The following BCL11A variants were observed in gnomAD, a reference collection of about 807,000 sequenced individuals.
BCL11A encodes BCL11 transcription factor A, also known as B cell CLL/lymphoma 11A.
In BCL11A, 2 loss-of-function variants were observed where a neutral mutation model predicts 55.9. The ratio of observed to expected loss-of-function variants is 0.04; its 90% confidence interval spans 0.01 to 0.11. The LOEUF (loss-of-function observed/expected upper bound fraction) is 0.11, where lower values mean the gene tolerates loss of function less well. Ranked by LOEUF, BCL11A falls within the 10% of genes least tolerant of loss-of-function variation. BCL11A has a pLI of 1.00. For synonymous variants in BCL11A, 465 were observed against 473.4 expected (o/e 0.98, Z 0.23); for missense variants, 817 against 1,137.1 (o/e 0.72, Z 4.05).
intron 2 of BCL11A, among the ~76,000 whole-genome samples, chr2:60,497,736 C>T (rs1257018812): frequency 1.3e-5 from 2 of 152,196 alleles, no homozygotes; most frequent in Non-Finnish European, 2.9e-5. Flanking sequence ...CTACTCTTCT[C>T]TTTCTCTGAA....
downstream of BCL11A, among the ~76,000 whole-genome samples, chr2:60,456,759 T>A (rs55712263): frequency 4.9e-3 from 744 of 152,244 alleles, 2 homozygotes; most frequent in African/African-American, 0.01. Context: ...TGATTTTTTT[T>A]AAAAAAATCT....
intron 2 of BCL11A, among the ~76,000 whole-genome samples, chr2:60,512,946 C>A (rs141256300): frequency 1.3e-5 from 2 of 152,168 alleles, no homozygotes; most frequent in Admixed American, 6.5e-5. Flanking sequence ...ACCTCTTAGA[C>A]GTCTCAGAGA....
chr2:60,507,502 C>A (rs1679717289), intron 2 of BCL11A, among the ~76,000 whole-genome samples: 1 of 151,990 alleles, frequency 6.6e-6, no homozygotes, highest in South Asian at 2.1e-4. Flanking sequence ...AAGTTAAAAC[C>A]TTGTGAAGTG....
At chr2:60,514,495 T>TA (rs58972358) in intron 2 of BCL11A, among the ~76,000 whole-genome samples, 1,625 of 119,286 alleles carry the variant, frequency 0.014, 15 homozygotes, top group Middle Eastern at 0.018. Flanking sequence ...CATCTCTACT[T>TA]AAAAAAAAAA....
intron 3 of BCL11A, among the ~76,000 whole-genome samples, chr2:60,463,180 T>G (rs907019363): frequency 6.6e-6 from 1 of 152,218 alleles, no homozygotes; most frequent in Non-Finnish European, 1.5e-5. Context: ...TTAAAAAATC[T>G]GAAAGAAAAA....
intron 2 of BCL11A, among the ~76,000 whole-genome samples, chr2:60,514,665 C>T (rs923392380): frequency 6.8e-6 from 1 of 146,382 alleles, no homozygotes; most frequent in Non-Finnish European, 1.5e-5. Context: ...GAGACTCCAT[C>T]TCAAAAAAAA....
intron 2 of BCL11A, chr2:60,534,478 T>G (rs1205230214): frequency 3.3e-5 from 5 of 152,200 alleles, no homozygotes; most frequent in African/African-American, 1.2e-4. Flanking sequence ...GCCATCAAAC[T>G]GCTAACAATA....
intron 2 of BCL11A, among the ~76,000 whole-genome samples, chr2:60,471,623 GA>G (rs1340531559): frequency 6.6e-6 from 1 of 152,208 alleles, no homozygotes; most frequent in Non-Finnish European, 1.5e-5. Flanking sequence ...CCAAGGTGGG[GA>G]AAAGGAGCTG....
intron 2 of BCL11A, chr2:60,542,647 A>G (rs1173214856): frequency 2.0e-5 from 3 of 152,236 alleles, no homozygotes; most frequent in East Asian, 1.9e-4. Context: ...CCTGATTAAC[A>G]TCTATGTGTA....
chr2:60,487,698 A>G (rs1348637050), intron 2 of BCL11A, among the ~76,000 whole-genome samples: 1 of 152,032 alleles, frequency 6.6e-6, no homozygotes, highest in Non-Finnish European at 1.5e-5. Flanking sequence ...ACCATTTCCC[A>G]CTCCCTTATT....
At chr2:60,547,384 T>C (rs1168225554) in intron 1 of BCL11A, among the ~76,000 whole-genome samples, 1 of 147,758 alleles carries the variant, frequency 6.8e-6, no homozygotes, top group Non-Finnish European at 1.5e-5. Context: ...TCCTGTTTGC[T>C]TTTTTTTTTA....
At chr2:60,498,378 G>A (rs1264069505) in intron 2 of BCL11A, among the ~76,000 whole-genome samples, 1 of 152,026 alleles carries the variant, frequency 6.6e-6, no homozygotes, top group Non-Finnish European at 1.5e-5. Flanking sequence ...CCCTATCAGT[G>A]CCGACCAAGC....
At chr2:60,541,821 AAAGAG>A in intron 2 of BCL11A, 3 of 627,710 alleles carry the variant, frequency 4.8e-6, no homozygotes, top group Non-Finnish European at 2.9e-6. Flanking sequence ...TCACATAAAT[AAAGAG>A]AAAAGAAAAA....
chr2:60,451,608 G>A (rs1675725657), exon 5 of BCL11A: 1 of 231,292 alleles, frequency 4.3e-6, no homozygotes, highest in South Asian at 1.8e-4. Flanking sequence ...AAGTACTAAA[G>A]AAGTTTTATG....
chr2:60,483,574 C>A (rs1430499838), intron 2 of BCL11A, among the ~76,000 whole-genome samples: 1 of 152,220 alleles, frequency 6.6e-6, no homozygotes, highest in Non-Finnish European at 1.5e-5. Flanking sequence ...GCACTGTGTT[C>A]AACAACTCAG....
At chr2:60,484,481 A>G (rs1308540858) in intron 2 of BCL11A, 1 of 152,230 alleles carries the variant, frequency 6.6e-6, no homozygotes, top group Non-Finnish European at 1.5e-5. Flanking sequence ...TTCACCAGAA[A>G]GGGAAGTAGG....
At chr2:60,520,490 C>G (rs997837366) in intron 2 of BCL11A, among the ~76,000 whole-genome samples, 2 of 152,182 alleles carry the variant, frequency 1.3e-5, no homozygotes, top group Non-Finnish European at 2.9e-5. Flanking sequence ...GAGCATCACC[C>G]TTCGGTGGGA....
In BCL11A at chr2:60,461,919, C is replaced by T. The variant is rs1182585744; in HGVS notation, c.993G>A (p.Leu331=). The T allele has an allele frequency of 6.2e-7, 1 of 1,614,154 alleles. No homozygotes were observed. The highest frequency in any genetic ancestry group is 1.7e-5 in the Admixed American group (1 of 60,026). The change falls in exon 4 of 4, where the codon CTG becomes CTA. Residue 331 remains leucine, a synonymous_variant. Transcript: ENST00000642384. The part of the protein sequence containing the change: ...ELAGNTSSPP[L]SPGRPSPMQR... Reference sequence around the variant, plus strand: ...GCATAGGGCTGGGCCGGCCTGGGGACAGCGGTGGGCTAGACGTGTTCCCTG... The same window carrying T: ...GCATAGGGCTGGGCCGGCCTGGGGATAGCGGTGGGCTAGACGTGTTCCCTG...
intron 2 of BCL11A, among the ~76,000 whole-genome samples, chr2:60,475,493 A>G (rs1360653141): frequency 6.6e-6 from 1 of 152,190 alleles, no homozygotes; most frequent in Non-Finnish European, 1.5e-5. Flanking sequence ...TAAATAATCT[A>G]TTTCAGATGT....
Sources: allele counts gnomAD v4.1 joint callset (sites outside exome capture counted in the v4.1 genomes callset), GRCh38; gene constraint gnomAD v4.1.1; transcripts MANE v1.5; gene names NCBI Gene and HGNC (gene_info 2026-07-23, HGNC 2026-07-21).